The following POR variants were observed in gnomAD, a reference collection of about 807,000 sequenced individuals.
The protein encoded by POR is NADPH--cytochrome P450 reductase.
In POR, 56 loss-of-function variants were observed where a neutral mutation model predicts 84.0. The observed-to-expected ratio is 0.67, with a 90% CI of 0.54 to 0.83. The LOEUF (loss-of-function observed/expected upper bound fraction) is 0.83, where lower values mean the gene tolerates loss of function less well. Among genes scored for constraint, POR ranks in the 40% least tolerant of loss-of-function variants. POR has a pLI of 0.00. For missense variants in POR, 938 were observed against 944.3 expected (o/e 0.99, Z 0.09); for synonymous variants, 414 against 400.5 (o/e 1.03, Z -0.40).
At chr7:75,931,558 G>A (rs1004837677) in intron 1 of POR, among the ~76,000 whole-genome samples, 2 of 151,750 alleles carry the variant, frequency 1.3e-5, no homozygotes, top group African/African-American at 4.8e-5. Context: ...TAGTAGAGAC[G>A]GGGTTTCACC....
At chr7:75,930,082 G>C (rs1554549977) in intron 1 of POR, among the ~76,000 whole-genome samples, 1 of 152,134 alleles carries the variant, frequency 6.6e-6, no homozygotes, top group Non-Finnish European at 1.5e-5. Flanking sequence ...CTGTAAAATG[G>C]GTGAAATAAT....
intron 2 of POR, among the ~76,000 whole-genome samples, chr7:75,958,824 C>G (rs549837111): frequency 1.5e-4 from 23 of 151,744 alleles, no homozygotes; most frequent in Non-Finnish European, 2.5e-4. Context: ...CCCGCCATCT[C>G]TACAATAAAC....
chr7:75,958,044 G>C (rs1787762163), intron 2 of POR, among the ~76,000 whole-genome samples: 1 of 152,198 alleles, frequency 6.6e-6, no homozygotes, highest in South Asian at 2.1e-4. Context: ...TGTGAAAACT[G>C]AGTTAATCCA....
At chr7:75,925,335 G>C (rs1452953517) in intron 1 of POR, among the ~76,000 whole-genome samples, 1 of 152,034 alleles carries the variant, frequency 6.6e-6, no homozygotes, top group South Asian at 2.1e-4. Context: ...GAGAGAGAGA[G>C]AGACCCTGTC....
At chr7:75,969,848 A>G (rs1554555875) in intron 2 of POR, among the ~76,000 whole-genome samples, 1 of 152,224 alleles carries the variant, frequency 6.6e-6, no homozygotes, top group Non-Finnish European at 1.5e-5. Flanking sequence ...ATACACAGAC[A>G]GCCCCCAAGG....
intron 1 of POR, chr7:75,923,296 A>AT: frequency 8.2e-7 from 1 of 1,223,634 alleles, no homozygotes; most frequent in Non-Finnish European, 1.2e-6. Flanking sequence ...CCAAGGAAGC[A>AT]TTTCCAGGAG....
At chr7:75,933,255 A>G (rs1554550354) in intron 1 of POR, among the ~76,000 whole-genome samples, 1 of 152,020 alleles carries the variant, frequency 6.6e-6, no homozygotes, top group Non-Finnish European at 1.5e-5. Flanking sequence ...GAGTTAATTA[A>G]CATATGCATT....
In POR at chr7:75,983,732, C is replaced by T. The variant is rs782612942; in HGVS notation, c.948-6C>T. The T allele has an allele frequency of 6.2e-7, 1 of 1,611,950 alleles. No homozygotes were observed. Among genetic ancestry groups the T allele is most frequent in the South Asian group, 1.1e-5 (1 of 91,056 alleles). On this transcript the variant is annotated splice_region_variant and splice_polypyrimidine_tract_variant and intron_variant, in intron 9 of 15. Coordinates refer to ENST00000461988, the MANE Select transcript of POR (RefSeq NM_000941.3). ...CGCCCCTCCCGAGCCTCACATCTCC[C>T]TCCAGGTATGAATCTGGGGACCACG...
chr7:75,960,618 C>G lies in POR; in HGVS notation c.188+6438C>G, dbSNP rs145819513. 2.1e-3 allele frequency among the ~76,000 whole-genome samples: 323 copies of G among 152,220 alleles called. 1 individual carries two copies. The highest frequency in any genetic ancestry group is 7.5e-3 in the African/African-American group (311 of 41,532). ...TGTAGGATCCAAAGTCCCACAGGAT[C>G]CAGGGCTCCTGTGGGCTCTCTCTCC... On this transcript the variant is annotated intron_variant, in intron 2 of 15. Transcript: ENST00000461988.
At chr7:75,921,747 G>A (rs1215128597) in intron 1 of POR, among the ~76,000 whole-genome samples, 3 of 151,318 alleles carry the variant, frequency 2.0e-5, no homozygotes, top group African/African-American at 4.9e-5. Context: ...CTTTCTCTTC[G>A]CCCAGACTGG....
intron 2 of POR, among the ~76,000 whole-genome samples, chr7:75,964,543 G>A (rs181716583): frequency 6.6e-6 from 1 of 151,720 alleles, no homozygotes; most frequent in African/African-American, 2.4e-5. Flanking sequence ...GCTGACCTCA[G>A]GTGATCCGCC....
At chr7:75,985,020 G>T (rs782133636) in intron 11 of POR, 38 bp from the exon 12 acceptor site, 8 of 1,582,694 alleles carry the variant, frequency 5.1e-6, no homozygotes, top group Non-Finnish European at 6.0e-6. Flanking sequence ...GAGCTCCGTG[G>T]GCCCCAATCA....
chr7:75,954,459 G>C (rs1554553460), intron 2 of POR, among the ~76,000 whole-genome samples: 3 of 152,206 alleles, frequency 2.0e-5, no homozygotes, highest in Non-Finnish European at 4.4e-5. Flanking sequence ...GGGGGCTCAA[G>C]AATGTTAACG....
intron 2 of POR, among the ~76,000 whole-genome samples, chr7:75,957,838 G>A (rs1787753419): frequency 6.6e-6 from 1 of 152,082 alleles, no homozygotes; most frequent in Admixed American, 6.6e-5. Flanking sequence ...CTGCAGCCAG[G>A]GCTTTTACCT....
intron 1 of POR, among the ~76,000 whole-genome samples, chr7:75,916,799 G>A (rs1806590143): frequency 1.3e-5 from 2 of 152,152 alleles, no homozygotes; most frequent in Admixed American, 1.3e-4. Flanking sequence ...CGCAGCCAAT[G>A]TAAATCAGGT....
intron 2 of POR, among the ~76,000 whole-genome samples, chr7:75,959,738 G>A (rs782498884): frequency 1.5e-4 from 23 of 152,332 alleles, no homozygotes; most frequent in Non-Finnish European, 2.4e-4. Flanking sequence ...TTACAGGTGT[G>A]AGCCACTGTA....
At chr7:75,943,152 C>T (rs1295319650) in intron 1 of POR, among the ~76,000 whole-genome samples, 2 of 151,982 alleles carry the variant, frequency 1.3e-5, no homozygotes, top group Non-Finnish European at 2.9e-5. Flanking sequence ...GGGGTTTCAC[C>T]GTGTTAGCCA....
At chr7:75,959,745 T>C (rs373452169) in intron 2 of POR, among the ~76,000 whole-genome samples, 2 of 152,200 alleles carry the variant, frequency 1.3e-5, no homozygotes, top group African/African-American at 2.4e-5. Context: ...TGTGAGCCAC[T>C]GTACGGGGCC....
chr7:75,922,989 G>C, intron 1 of POR: 1 of 673,796 alleles, frequency 1.5e-6, no homozygotes, highest in South Asian at 1.6e-5. Flanking sequence ...CTCACACCTT[G>C]GAATCGCCAG....
Sources: allele counts gnomAD v4.1 joint callset (sites outside exome capture counted in the v4.1 genomes callset), GRCh38; gene constraint gnomAD v4.1.1; transcripts MANE v1.5; gene names NCBI Gene and HGNC (gene_info 2026-07-23, HGNC 2026-07-21).